Variants in SRGAP2 observed in about 807,000 individuals in gnomAD.
The protein encoded by SRGAP2 is SLIT-ROBO Rho GTPase-activating protein 2.
SRGAP2 carries 15 observed loss-of-function variants against 57.2 expected under a neutral mutation model. The observed-to-expected ratio is 0.26, with a 90% CI of 0.18 to 0.40. The LOEUF (loss-of-function observed/expected upper bound fraction) is 0.40, where lower values mean the gene tolerates loss of function less well. SRGAP2 is among the 10% of genes least tolerant of loss of function. The pLI is 1.00. For missense variants in SRGAP2, 520 were observed against 669.6 expected (o/e 0.78, Z 2.47); for synonymous variants, 249 against 248.0 (o/e 1.00, Z -0.04).
At chr1:206,362,553 G>GA (rs1345823142) in intron 4 of SRGAP2, among the ~76,000 whole-genome samples, 6 of 146,522 alleles carry the variant, frequency 4.1e-5, no homozygotes, top group Non-Finnish European at 7.5e-5. Context: ...ATGAATTAAA[G>GA]AAAAAAAATT....
chr1:206,425,720 A>G (rs564496452), intron 13 of SRGAP2, among the ~76,000 whole-genome samples: 12 of 151,984 alleles, frequency 7.9e-5, no homozygotes, highest in African/African-American at 2.9e-4. Flanking sequence ...TTTTTAGTAG[A>G]GACAGAGTTT....
intron 3 of SRGAP2, among the ~76,000 whole-genome samples, chr1:206,307,506 G>A: frequency 6.6e-6 from 1 of 152,128 alleles, no homozygotes; most frequent in African/African-American, 2.4e-5. Context: ...AGCAGGGGGT[G>A]GTGCTCGTCG....
intron 17 of SRGAP2, among the ~76,000 whole-genome samples, chr1:206,440,311 G>T (rs1272444378): frequency 6.6e-6 from 1 of 152,144 alleles, no homozygotes; most frequent in East Asian, 1.9e-4. Flanking sequence ...AGATATATCA[G>T]GTAGAATAAG....
At chr1:206,457,525 C>A (rs1470430971) in intron 21 of SRGAP2, among the ~76,000 whole-genome samples, 1 of 152,210 alleles carries the variant, frequency 6.6e-6, no homozygotes, top group African/African-American at 2.4e-5. Flanking sequence ...TTCATTTCAG[C>A]AGGGCCTTAG....
At position 206,203,746 on chromosome 1, in the gene SRGAP2, G is replaced by A. The variant is rs1198142201; in HGVS notation, c.-543+96G>A. Reference sequence around the variant, plus strand: ...GGCTGGGGCGGGAAGGAGAGGGCGCGGATGCTGCTCGCGGCATCGCCTTAG... The same window carrying A: ...GGCTGGGGCGGGAAGGAGAGGGCGCAGATGCTGCTCGCGGCATCGCCTTAG... On this transcript the variant is annotated intron_variant, in intron 1 of 22. Transcript: ENST00000573034. 28 of 1,444,710 alleles carry A rather than the reference G, an allele frequency of 1.9e-5. No homozygotes were observed. In the South Asian group the frequency reaches 2.9e-4, roughly 15 times the overall value. The allele number at this position is 1,444,710 out of a possible 1,614,324, so 89.5% of individuals were successfully genotyped here.
At chr1:206,345,768 G>A (rs553363991) in intron 4 of SRGAP2, among the ~76,000 whole-genome samples, 1 of 152,086 alleles carries the variant, frequency 6.6e-6, no homozygotes, top group African/African-American at 2.4e-5. Context: ...CTCCAGCCTG[G>A]GCAACAGAAC....
At chr1:206,283,567 G>A (rs1432145953) in intron 2 of SRGAP2, among the ~76,000 whole-genome samples, 61 of 149,350 alleles carry the variant, frequency 4.1e-4, no homozygotes, top group African/African-American at 1.3e-3. Context: ...CCAGCTACTC[G>A]GGAGGCTGAG....
chr1:206,360,094 C>T (rs1427741504), intron 4 of SRGAP2, among the ~76,000 whole-genome samples: 3 of 152,088 alleles, frequency 2.0e-5, no homozygotes, highest in East Asian at 1.9e-4. Context: ...GCGTGAGCCA[C>T]CGCGCCCGGC....
intron 4 of SRGAP2, among the ~76,000 whole-genome samples, chr1:206,378,850 A>G (rs1191223098): frequency 1.3e-5 from 2 of 152,238 alleles, no homozygotes; most frequent in Admixed American, 6.5e-5. Context: ...AGAACCCACC[A>G]GAAGGAACCA....
chr1:206,377,461 G>C (rs1257163370), intron 4 of SRGAP2, among the ~76,000 whole-genome samples: 1 of 147,086 alleles, frequency 6.8e-6, no homozygotes, highest in African/African-American at 2.5e-5. Flanking sequence ...CTATGTAATA[G>C]CTGGATTTTT....
intron 2 of SRGAP2, among the ~76,000 whole-genome samples, chr1:206,267,109 C>T (rs1358126737): frequency 6.6e-6 from 1 of 151,714 alleles, no homozygotes; most frequent in Non-Finnish European, 1.5e-5. Context: ...GCTGGGACTA[C>T]AGGCGCCCAC....
rs1673574829 is a variant in SRGAP2 at position 206,322,850 on chromosome 1, G to A, written c.260+19377G>A. 2.1e-5 allele frequency among the ~76,000 whole-genome samples: 3 copies of A among 142,070 alleles called. 1 individual carries two copies. The East Asian group carries it at 5.9e-4, about 28-fold the overall frequency. 93.2% of individuals were successfully genotyped at this position (142,070 alleles called of 152,430 possible). ...TTGAGAGTATAAGAATGTGGCATCA[G>A]CATCTGCTCAGCTCTTGGTGGGGGC... On this transcript the variant is annotated intron_variant, in intron 3 of 22. Transcript: ENST00000573034.
chr1:206,314,108 T>G (rs1403856950), intron 3 of SRGAP2, among the ~76,000 whole-genome samples: 2 of 139,488 alleles, frequency 1.4e-5, no homozygotes, highest in African/African-American at 6.0e-5. Flanking sequence ...TTTTTTTGTT[T>G]TTTTTTTTTT....
intron 3 of SRGAP2, among the ~76,000 whole-genome samples, chr1:206,305,661 A>G (rs1461773353): frequency 4.0e-5 from 6 of 150,614 alleles, no homozygotes; most frequent in African/African-American, 7.5e-5. Context: ...GTAGATGCGC[A>G]CTAAATATTG....
intron 3 of SRGAP2, among the ~76,000 whole-genome samples, chr1:206,314,105 GTTTT>G (rs797022788): frequency 7.2e-5 from 10 of 138,584 alleles, no homozygotes; most frequent in African/African-American, 2.4e-4. Context: ...TGTTTTTTTT[GTTTT>G]TTTTTTTTTG....
intron 18 of SRGAP2, among the ~76,000 whole-genome samples, chr1:206,447,452 G>A (rs1202652402): frequency 6.6e-6 from 1 of 152,200 alleles, no homozygotes; most frequent in African/African-American, 2.4e-5. Context: ...TAATACCAGT[G>A]ACATCCCTGG....
At chr1:206,399,044 T>C (rs1406913070) in intron 7 of SRGAP2, among the ~76,000 whole-genome samples, 9 of 152,214 alleles carry the variant, frequency 5.9e-5, no homozygotes, top group South Asian at 2.1e-4. Context: ...TACAACAAAC[T>C]GTGTGGCTGG....
chr1:206,413,358 C>T (rs775166094), intron 10 of SRGAP2, among the ~76,000 whole-genome samples: 5 of 152,154 alleles, frequency 3.3e-5, no homozygotes, highest in Admixed American at 2.0e-4. Flanking sequence ...TCCAAACCCA[C>T]AATTAGGCAT....
At chr1:206,429,465 C>A (rs531461049) in intron 13 of SRGAP2, among the ~76,000 whole-genome samples, 32 of 152,188 alleles carry the variant, frequency 2.1e-4, no homozygotes, top group Non-Finnish European at 4.6e-4. Flanking sequence ...TGACAAGTGC[C>A]AACAAATATT....
Sources: allele counts gnomAD v4.1 joint callset (sites outside exome capture counted in the v4.1 genomes callset), GRCh38; gene constraint gnomAD v4.1.1; transcripts MANE v1.5; gene names NCBI Gene and HGNC (gene_info 2026-07-23, HGNC 2026-07-21).